The following RTTN variants were observed in gnomAD, a reference collection of about 807,000 sequenced individuals.
RTTN encodes the protein rotatin.
RTTN carries 182 observed loss-of-function variants against 269.2 expected under a neutral mutation model. That is an observed-to-expected ratio of 0.68 (90% CI 0.60 to 0.76). The LOEUF is 0.76. Among genes scored for constraint, RTTN ranks in the 30% least tolerant of loss-of-function variants. RTTN has a pLI of 0.00. For missense variants in RTTN, 2,545 were observed against 2,608.6 expected, an observed-to-expected ratio of 0.98 and a Z score of 0.53; for synonymous variants, 1,006 against 963.5, an observed-to-expected ratio of 1.04 and a Z score of -0.82.
At chr18:70,013,044 G>A (rs377756749) in intron 46 of RTTN, among the ~76,000 whole-genome samples, 12 of 152,138 alleles carry the variant, frequency 7.9e-5, no homozygotes, top group East Asian at 3.9e-4. Context: ...TTTCGGGCAC[G>A]CTGCAGCCGA....
At chr18:70,094,721 G>A (rs1195443324) in intron 28 of RTTN, among the ~76,000 whole-genome samples, 23 of 152,268 alleles carry the variant, frequency 1.5e-4, no homozygotes, top group Non-Finnish European at 2.9e-5. Context: ...GTCAATTTTA[G>A]AATAAGTGCG....
intron 38 of RTTN, among the ~76,000 whole-genome samples, 169 bp downstream of exon 38, chr18:70,053,962 T>C (rs1014328882): frequency 4.6e-5 from 7 of 152,214 alleles, no homozygotes; most frequent in Admixed American, 2.0e-4. Flanking sequence ...CTTGTCTTAA[T>C]TGGTACCATT....
intron 32 of RTTN, 101 bp downstream of exon 32, chr18:70,086,512 A>T: frequency 1.0e-6 from 1 of 958,352 alleles, no homozygotes; most frequent in Non-Finnish European, 1.6e-6. Context: ...GCTGTCTTGT[A>T]TATAGTTTCA....
chr18:70,104,908 A>T (rs2059281067), intron 28 of RTTN, among the ~76,000 whole-genome samples: 1 of 152,070 alleles, frequency 6.6e-6, no homozygotes, highest in Non-Finnish European at 1.5e-5. Context: ...GTTGGCCCCT[A>T]CTGGGAAGTG....
intron 45 of RTTN, among the ~76,000 whole-genome samples, chr18:70,018,109 A>G (rs1044606195): frequency 6.6e-6 from 1 of 152,174 alleles, no homozygotes; most frequent in Non-Finnish European, 1.5e-5. Flanking sequence ...GGTATTTTGA[A>G]TCATTATAGC....
chr18:70,095,648 T>C (rs1254324782), intron 28 of RTTN, among the ~76,000 whole-genome samples: 1 of 152,194 alleles, frequency 6.6e-6, no homozygotes, highest in East Asian at 1.9e-4. Flanking sequence ...GCAGGGTGTC[T>C]GAGAGAGATC....
intron 26 of RTTN, among the ~76,000 whole-genome samples, chr18:70,116,174 A>G (rs1038310358): frequency 6.6e-6 from 1 of 151,980 alleles, no homozygotes; most frequent in African/African-American, 2.4e-5. Flanking sequence ...ACTCACATTC[A>G]CGTGCCTTCT....
At chr18:70,062,978 T>C (rs1465760110) in intron 35 of RTTN, among the ~76,000 whole-genome samples, 1 of 152,160 alleles carries the variant, frequency 6.6e-6, no homozygotes, top group Non-Finnish European at 1.5e-5. Flanking sequence ...TATCTATATA[T>C]TGTTATATAT....
intron 14 of RTTN, among the ~76,000 whole-genome samples, chr18:70,161,214 C>G (rs1264569967): frequency 6.6e-6 from 1 of 152,122 alleles, no homozygotes; most frequent in Non-Finnish European, 1.5e-5. Context: ...ACCATCTGAT[C>G]TTTGAAAAGA....
intron 28 of RTTN, among the ~76,000 whole-genome samples, chr18:70,093,545 A>G (rs1470726014): frequency 1.3e-5 from 2 of 152,222 alleles, no homozygotes; most frequent in Non-Finnish European, 2.9e-5. Context: ...ACTTTTCTGC[A>G]TCTATTGAGA....
chr18:70,050,884 G>T (rs1219382816), intron 39 of RTTN, among the ~76,000 whole-genome samples: 1 of 152,142 alleles, frequency 6.6e-6, no homozygotes, highest in African/African-American at 2.4e-5. Context: ...AGAACACATG[G>T]ACACAGGGTA....
chr18:70,153,947 C>G (rs745652009), intron 14 of RTTN, among the ~76,000 whole-genome samples: 3 of 152,034 alleles, frequency 2.0e-5, no homozygotes, highest in Non-Finnish European at 4.4e-5. Flanking sequence ...ACAGTGTCAA[C>G]TAATATAAAT....
chr18:70,031,783 T>TCAGAGGGAGGGCATCGAGAG (rs1406559991), intron 40 of RTTN, among the ~76,000 whole-genome samples: 1 of 150,850 alleles, frequency 6.6e-6, no homozygotes, highest in Admixed American at 6.6e-5. Context: ...TAGCAGATCT[T>TCAGAGGGAGGGCATCGAGAG]CAGAGGGAGG....
intron 24 of RTTN, chr18:70,128,014 TCAC>T (rs2059910056): frequency 2.2e-6 from 1 of 451,890 alleles, no homozygotes; most frequent in Non-Finnish European, 4.0e-6. Flanking sequence ...TCAAAAGTAA[TCAC>T]CATCACACTA....
At position 70,049,032 on chromosome 18, in the gene RTTN, A is replaced by G. The variant is rs1025100920; in HGVS notation, c.5324-844T>C. Among the ~76,000 whole-genome samples, 3 of 152,306 alleles carry G rather than the reference A, an allele frequency of 2.0e-5. No homozygotes were observed. The East Asian group carries it at 5.8e-4, about 29-fold the overall frequency. The stretch of plus-strand genomic sequence containing the variant: ...ATTTTGAAGGAAGGTTTTGAATTTA[A>G]TATGTATTTATTTTATCACTAAAGA... On this transcript the variant is annotated intron_variant, in intron 39 of 48. Transcript: ENST00000640769.
In RTTN at chr18:70,168,950, G is replaced by T. The variant is rs1165090874; in HGVS notation, c.1594C>A (p.Leu532Met). The T allele has an allele frequency of 1.9e-6, 3 of 1,613,188 alleles. No individual in the cohort carries two copies. The African/African-American group carries it at 4.0e-5, about 22-fold the overall frequency. Residue 532 changes from leucine to methionine, a missense_variant, in exon 12 of 49, where the codon CTG becomes ATG. Coordinates refer to ENST00000640769, the MANE Select transcript of RTTN (RefSeq NM_173630.4). ...HEAVVAYLEQ[L>M]NSENYSIYKR... ...TAAATACTGTAGTTTTCAGAATTCA[G>T]CTGTTCCAAATAGGCCACAACAGCT...
intron 8 of RTTN, among the ~76,000 whole-genome samples, chr18:70,191,910 A>G (rs2061680892): frequency 6.6e-6 from 1 of 152,206 alleles, no homozygotes; most frequent in African/African-American, 2.4e-5. Flanking sequence ...GAAGCACACA[A>G]GAGAATGAGG....
intron 14 of RTTN, among the ~76,000 whole-genome samples, chr18:70,161,270 G>C (rs555117174): frequency 6.6e-6 from 1 of 152,150 alleles, no homozygotes. Context: ...TCAGTAAACA[G>C]TGCTGGAATA....
intron 46 of RTTN, among the ~76,000 whole-genome samples, chr18:70,013,669 T>C (rs2056461113): frequency 6.6e-6 from 1 of 152,288 alleles, no homozygotes; most frequent in East Asian, 1.9e-4. Flanking sequence ...AATATAATAA[T>C]TGAATGTTAC....
Sources: gnomAD v4.1 joint callset for allele counts (sites outside exome capture counted in the v4.1 genomes callset) on GRCh38, gnomAD v4.1.1 for gene constraint, MANE v1.5 for transcripts, NCBI Gene and HGNC (gene_info 2026-07-23, HGNC 2026-07-21) for gene names.